Variants in ORC4 observed in about 807,000 individuals in gnomAD.
ORC4 encodes the protein origin recognition complex subunit 4.
A neutral mutation model predicts 63.9 loss-of-function variants in ORC4; 55 were observed. The observed-to-expected ratio is 0.86, with a 90% CI of 0.69 to 1.08. ORC4 has a LOEUF of 1.08. Ranked by LOEUF, ORC4 falls within the 50% of genes least tolerant of loss-of-function variation. ORC4 has a pLI of 0.00. For synonymous variants in ORC4, 150 were observed against 168.5 expected, an observed-to-expected ratio of 0.89 and a Z score of 0.85; for missense variants, 511 against 504.4, an observed-to-expected ratio of 1.01 and a Z score of -0.13.
intron 1 of ORC4, among the ~76,000 whole-genome samples, chr2:148,013,866 C>A (rs986747144): frequency 2.0e-5 from 3 of 151,952 alleles, no homozygotes; most frequent in African/African-American, 7.3e-5. Context: ...CTGACGCCAA[C>A]AAAAAAACTA....
At position 147,935,058 on chromosome 2, in the gene ORC4, A is replaced by G. The variant is rs1437071476; in HGVS notation, c.*452T>C. 1.9e-5 allele frequency: 3 copies of G among 160,790 alleles called. No individual in the cohort carries two copies. The highest frequency in any genetic ancestry group is 6.0e-5 in the Admixed American group (1 of 16,600). The allele number at this position is 160,790 out of a possible 1,614,324, so 10.0% of individuals were successfully genotyped here. ...CTGAACTAGAAAACCTGGGTCTGGG[A>G]TAGAATCCAAAATTTGCATGTGGAC... On this transcript the variant is annotated 3_prime_UTR_variant, in exon 14 of 14. Coordinates refer to ENST00000392857, the MANE Select transcript of ORC4 (RefSeq NM_181741.4).
At chr2:147,978,120 G>C (rs1036010568) in intron 1 of ORC4, among the ~76,000 whole-genome samples, 2 of 152,076 alleles carry the variant, frequency 1.3e-5, no homozygotes, top group Non-Finnish European at 2.9e-5. Context: ...CAGGATGCTG[G>C]GTAGGCAGAA....
In ORC4 at chr2:147,958,403, A is replaced by T; in HGVS notation, c.302-20T>A. On this transcript the variant is annotated intron_variant, in intron 5 of 13. Transcript: ENST00000392857. ...GCAGTCCTAAAATAAAGTCCATTTAAAAGTATTTAATTAAAATTAAACATG... is the reference window on the plus strand; with the variant it reads ...GCAGTCCTAAAATAAAGTCCATTTATAAGTATTTAATTAAAATTAAACATG... 1 of 1,564,372 alleles carries T rather than the reference A, an allele frequency of 6.4e-7. No individual in the cohort carries two copies. Among genetic ancestry groups the T allele is most frequent in the Non-Finnish European group, 8.8e-7 (1 of 1,136,276 alleles).
chr2:147,956,938 A>G (rs1410117394), intron 6 of ORC4, among the ~76,000 whole-genome samples: 2 of 151,796 alleles, frequency 1.3e-5, no homozygotes, highest in Admixed American at 6.6e-5. Context: ...TTGGCTCAGT[A>G]TAGGCCACTA....
chr2:147,954,414 T>C (rs1689134050), intron 7 of ORC4, among the ~76,000 whole-genome samples: 2 of 152,202 alleles, frequency 1.3e-5, no homozygotes, highest in Admixed American at 1.3e-4. Flanking sequence ...ACCTAGGCTA[T>C]ATGGCATAGC....
chr2:147,963,156 G>A (rs1466146528), intron 4 of ORC4, among the ~76,000 whole-genome samples: 5 of 152,094 alleles, frequency 3.3e-5, no homozygotes, highest in South Asian at 4.1e-4. Flanking sequence ...ATGTGCCCAC[G>A]TCGCTAACCT....
intron 1 of ORC4, among the ~76,000 whole-genome samples, chr2:148,017,243 T>C (rs1183033675): frequency 6.6e-6 from 1 of 152,258 alleles, no homozygotes; most frequent in Non-Finnish European, 1.5e-5. Context: ...AATTTCAACA[T>C]GTAATCATAA....
intron 1 of ORC4, among the ~76,000 whole-genome samples, chr2:147,988,342 G>T (rs1342176316): frequency 6.6e-6 from 1 of 151,622 alleles, no homozygotes; most frequent in Non-Finnish European, 1.5e-5. Flanking sequence ...AGACATTACT[G>T]AATCCAGCTG....
chr2:147,949,134 C>CA (rs1192937935), intron 8 of ORC4, among the ~76,000 whole-genome samples: 6 of 135,444 alleles, frequency 4.4e-5, no homozygotes, highest in Non-Finnish European at 9.9e-5. Context: ...CAGATAACCA[C>CA]AAAAAAAGTG....
intron 5 of ORC4, 97 bp from the exon 6 acceptor site, chr2:147,958,480 C>T: frequency 1.2e-6 from 1 of 833,438 alleles, no homozygotes; most frequent in South Asian, 1.5e-5. Context: ...CCAGTCAAAG[C>T]CTGTGAGTTC....
At chr2:147,954,859 GT>G (rs1414160411) in intron 7 of ORC4, among the ~76,000 whole-genome samples, 1 of 152,036 alleles carries the variant, frequency 6.6e-6, no homozygotes, top group Non-Finnish European at 1.5e-5. Flanking sequence ...CTTTAGGGTA[GT>G]TTTTAAATGT....
intron 7 of ORC4, among the ~76,000 whole-genome samples, chr2:147,954,251 C>A (rs2105303407): frequency 6.6e-6 from 1 of 152,148 alleles, no homozygotes; most frequent in East Asian, 1.9e-4. Flanking sequence ...ATAAACATTA[C>A]CACAATAGGT....
At chr2:147,955,212 C>A in intron 7 of ORC4, 135 bp downstream of exon 7, 1 of 644,272 alleles carries the variant, frequency 1.6e-6, no homozygotes, top group Non-Finnish European at 2.8e-6. Context: ...ATACAGTGAA[C>A]ATTGTATTCT....
Position 147,935,163 on chromosome 2 carries a change from C to T in ORC4, c.*347G>A. 4.3e-6 allele frequency: 1 copy of T among 230,732 alleles called. No homozygotes were observed. The allele number at this position is 230,732 out of a possible 1,614,324, so 14.3% of individuals were successfully genotyped here. A position where few individuals can be genotyped will look rare whatever the true frequency, so the allele number is the denominator to read the frequency against. ...GTGCTTACCATTGTTTTTTTTACTC[C>T]TTTGGTTTAAGGTTTGTAAAGACAT... On this transcript the variant is annotated 3_prime_UTR_variant, in exon 14 of 14. Coordinates refer to ENST00000392857, the MANE Select transcript of ORC4 (RefSeq NM_181741.4).
In ORC4 at chr2:147,983,106, A is replaced by G. The variant is rs762443620; in HGVS notation, c.-17-7131T>C. The stretch of plus-strand genomic sequence containing the variant: ...GTAAAGAAAATGAATCTTTCATTTA[A>G]CCACTGGTGGGAATGTATAATGGCA... On this transcript the variant is annotated intron_variant, in intron 1 of 13. Coordinates refer to ENST00000392857, the MANE Select transcript of ORC4 (RefSeq NM_181741.4). Among the ~76,000 whole-genome samples, 105 of 152,224 alleles carry G rather than the reference A, an allele frequency of 6.9e-4. 2 individuals are homozygous for G. The highest frequency in any genetic ancestry group is 3.2e-3 in the Middle Eastern group (1 of 316).
intron 4 of ORC4, among the ~76,000 whole-genome samples, chr2:147,966,191 A>G (rs1007918455): frequency 6.6e-6 from 1 of 152,128 alleles, no homozygotes; most frequent in Non-Finnish European, 1.5e-5. Flanking sequence ...ACAACTTACT[A>G]AAACTTAAGG....
At chr2:147,977,328 C>CT (rs1462522768) in intron 1 of ORC4, among the ~76,000 whole-genome samples, 1 of 152,098 alleles carries the variant, frequency 6.6e-6, no homozygotes, top group Non-Finnish European at 1.5e-5. Flanking sequence ...CATTTTGGAA[C>CT]TTTTTTACTG....
Position 147,958,678 on chromosome 2 carries a change from C to A in ORC4, c.301+113G>T, listed in dbSNP as rs369504206. The A allele has an allele frequency of 5.1e-5, 34 of 671,602 alleles. No individual in the cohort carries two copies. Among genetic ancestry groups the A allele is most frequent in the African/African-American group, 2.9e-4 (16 of 55,268 alleles). The allele number at this position is 671,602 out of a possible 1,614,324, so 41.6% of individuals were successfully genotyped here. A position where few individuals can be genotyped will look rare whatever the true frequency, so the allele number is the denominator to read the frequency against. On this transcript the variant is annotated intron_variant, in intron 5 of 13. Transcript: ENST00000392857. ...ACTGCATATGGTGTGCTAAGTAAAA[C>A]ATGGATCTAGTTTTCAAAATCTAAC...
At chr2:147,975,675 G>A (rs1690507397) in intron 2 of ORC4, among the ~76,000 whole-genome samples, 1 of 152,074 alleles carries the variant, frequency 6.6e-6, no homozygotes, top group African/African-American at 2.4e-5. Context: ...AAAATCTGTT[G>A]GTCCACATTT....
Sources: gnomAD v4.1 joint callset for allele counts (sites outside exome capture counted in the v4.1 genomes callset) on GRCh38, gnomAD v4.1.1 for gene constraint, MANE v1.5 for transcripts, NCBI Gene and HGNC (gene_info 2026-07-23, HGNC 2026-07-21) for gene names.